Variants in SMPD3 observed in about 807,000 individuals in gnomAD.
SMPD3 encodes the protein sphingomyelin phosphodiesterase 3.
Under a neutral mutation model 55.7 loss-of-function variants are expected in SMPD3, and 21 were observed. The ratio of observed to expected loss-of-function variants is 0.38; its 90% CI spans 0.27 to 0.54. The LOEUF (loss-of-function observed/expected upper bound fraction) is 0.54, where lower values mean the gene tolerates loss of function less well. SMPD3 is among the 20% of genes least tolerant of loss of function. The pLI is 0.80. For synonymous variants in SMPD3, 457 were observed against 404.3 expected, an observed-to-expected ratio of 1.13 and a Z score of -1.56; for missense variants, 842 against 899.6, an observed-to-expected ratio of 0.94 and a Z score of 0.82.
intron 2 of SMPD3, among the ~76,000 whole-genome samples, chr16:68,375,365 G>C (rs1417423371): frequency 6.8e-6 from 1 of 147,160 alleles, no homozygotes. Context: ...CCTGGCGTGA[G>C]GACACTTTGG....
chr16:68,363,472 C>G lies in SMPD3; in HGVS notation c.1709+24G>C, dbSNP rs760557398. ...ACCTTAGTCAGGGTGTGCCTCGTCCCTGGCCTGGGAGCGCAGTGCTTACTT... is the reference window on the plus strand; with the variant it reads ...ACCTTAGTCAGGGTGTGCCTCGTCCGTGGCCTGGGAGCGCAGTGCTTACTT... On this transcript the variant is annotated intron_variant, in intron 7 of 8. Coordinates refer to ENST00000219334, the MANE Select transcript of SMPD3 (RefSeq NM_018667.4). The G allele has an allele frequency of 6.8e-6, 11 of 1,613,802 alleles. No homozygotes were observed. The African/African-American group carries it at 9.3e-5, about 14-fold the overall frequency.
chr16:68,421,721 T>C (rs538816533), intron 1 of SMPD3, among the ~76,000 whole-genome samples: 45 of 152,308 alleles, frequency 3.0e-4, no homozygotes, highest in African/African-American at 1.1e-3. Context: ...CAGGGCACCA[T>C]TGAGTTCGAC....
chr16:68,382,356 G>A (rs1489942847), intron 2 of SMPD3, among the ~76,000 whole-genome samples: 1 of 152,226 alleles, frequency 6.6e-6, no homozygotes, highest in East Asian at 1.9e-4. Context: ...GTGGCTAGCT[G>A]ACAGTGCACC....
intron 1 of SMPD3, among the ~76,000 whole-genome samples, chr16:68,446,911 G>A (rs1016439386): frequency 3.3e-5 from 5 of 152,220 alleles, no homozygotes; most frequent in Admixed American, 6.5e-5. Flanking sequence ...AGGGTAGGGG[G>A]TATGGGAAAA....
chr16:68,399,767 G>A (rs2090191148), intron 1 of SMPD3, among the ~76,000 whole-genome samples: 1 of 152,242 alleles, frequency 6.6e-6, no homozygotes, highest in East Asian at 1.9e-4. Flanking sequence ...TTGGAAGACT[G>A]CAGCAGTGGC....
At chr16:68,370,101 G>A (rs984625771) in intron 3 of SMPD3, 1 of 152,226 alleles carries the variant, frequency 6.6e-6, no homozygotes, top group African/African-American at 2.4e-5. Flanking sequence ...GCGGCTTTTG[G>A]ATAGAGAACA....
At chr16:68,398,270 G>A (rs567189939) in intron 1 of SMPD3, among the ~76,000 whole-genome samples, 3 of 152,220 alleles carry the variant, frequency 2.0e-5, no homozygotes, top group African/African-American at 7.2e-5. Context: ...CACAGAAAAG[G>A]TGCTTGAAAT....
intron 1 of SMPD3, among the ~76,000 whole-genome samples, chr16:68,402,634 C>A (rs1204265009): frequency 1.3e-5 from 2 of 151,630 alleles, no homozygotes; most frequent in Non-Finnish European, 2.9e-5. Context: ...CTGCCAGCCC[C>A]GATGACCAAC....
At chr16:68,379,441 T>G (rs1255471954) in intron 2 of SMPD3, among the ~76,000 whole-genome samples, 1 of 152,242 alleles carries the variant, frequency 6.6e-6, no homozygotes, top group Admixed American at 6.5e-5. Flanking sequence ...GCCTGCCTCA[T>G]CTCTAGGACG....
chr16:68,377,666 G>T (rs1324530822), intron 2 of SMPD3, among the ~76,000 whole-genome samples: 1 of 152,202 alleles, frequency 6.6e-6, no homozygotes, highest in Non-Finnish European at 1.5e-5. Flanking sequence ...GTCCTGTCTG[G>T]ACAAGCCATG....
chr16:68,437,094 G>T (rs548882615), intron 1 of SMPD3, among the ~76,000 whole-genome samples: 4 of 152,192 alleles, frequency 2.6e-5, no homozygotes, highest in Non-Finnish European at 5.9e-5. Context: ...TGCATCTCTT[G>T]TTCTGTTTTA....
Position 68,363,526 on chromosome 16 carries a change from T to C in SMPD3, c.1679A>G (p.Glu560Gly). ...TLLDTNGLYD[E>G]DVCTPDNLQK... Reference sequence around the variant, plus strand: ...CAGGTTGTCGGGGGTGCACACATCCTCATCGTACAGGCCGTTCGTGTCCAG... The same window carrying C: ...CAGGTTGTCGGGGGTGCACACATCCCCATCGTACAGGCCGTTCGTGTCCAG... The change falls in exon 7 of 9, where the codon GAG becomes GGG. Residue 560 changes from glutamate to glycine, a missense_variant. Transcript: ENST00000219334. 6.2e-7 allele frequency: 1 copy of C among 1,613,968 alleles called. No individual in the cohort carries two copies. The highest frequency in any genetic ancestry group is 8.5e-7 in the Non-Finnish European group (1 of 1,179,998).
chr16:68,434,537 G>A (rs1191208774), intron 1 of SMPD3, among the ~76,000 whole-genome samples: 4 of 152,200 alleles, frequency 2.6e-5, no homozygotes, highest in Non-Finnish European at 4.4e-5. Context: ...TTTTAGGTGA[G>A]TCTTCTGTAT....
chr16:68,438,150 GCCT>G (rs2090538454), intron 1 of SMPD3, among the ~76,000 whole-genome samples: 1 of 152,102 alleles, frequency 6.6e-6, no homozygotes, highest in Non-Finnish European at 1.5e-5. Context: ...CAAATCTTCT[GCCT>G]CCTCCCTCAC....
At chr16:68,406,946 A>G (rs1004364192) in intron 1 of SMPD3, among the ~76,000 whole-genome samples, 2 of 152,130 alleles carry the variant, frequency 1.3e-5, no homozygotes, top group African/African-American at 4.8e-5. Flanking sequence ...GGCAGTAGAG[A>G]CTGAGGATTT....
chr16:68,395,680 A>G (rs1379577476), intron 1 of SMPD3, among the ~76,000 whole-genome samples: 7 of 152,342 alleles, frequency 4.6e-5, no homozygotes, highest in Middle Eastern at 3.4e-3. Flanking sequence ...AGACAGCTCT[A>G]AATTTCATCC....
At chr16:68,444,004 C>G (rs1351058819) in intron 1 of SMPD3, among the ~76,000 whole-genome samples, 2 of 152,202 alleles carry the variant, frequency 1.3e-5, no homozygotes, top group African/African-American at 4.8e-5. Context: ...TAAATACATT[C>G]TTACATGTGA....
At chr16:68,382,782 G>A (rs1272486858) in intron 2 of SMPD3, among the ~76,000 whole-genome samples, 1 of 152,208 alleles carries the variant, frequency 6.6e-6, no homozygotes, top group Admixed American at 6.5e-5. Flanking sequence ...GGGCCTGAGG[G>A]GAGGATCCCC....
At chr16:68,436,891 G>A (rs1205150290) in intron 1 of SMPD3, among the ~76,000 whole-genome samples, 1 of 152,154 alleles carries the variant, frequency 6.6e-6, no homozygotes, top group African/African-American at 2.4e-5. Flanking sequence ...AAATACACCA[G>A]CCTTTGCCTC....
Sources: gnomAD v4.1 joint callset for allele counts (sites outside exome capture counted in the v4.1 genomes callset) on GRCh38, gnomAD v4.1.1 for gene constraint, MANE v1.5 for transcripts, NCBI Gene and HGNC (gene_info 2026-07-23, HGNC 2026-07-21) for gene names.